The following HHLA2 variants were observed in gnomAD, a reference collection of about 807,000 sequenced individuals.
The protein encoded by HHLA2 is HERV-H LTR-associating protein 2.
A neutral mutation model predicts 45.9 loss-of-function variants in HHLA2; 48 were observed. The ratio of observed to expected loss-of-function variants is 1.05; its 90% CI spans 0.83 to 1.33. The LOEUF (loss-of-function observed/expected upper bound fraction) is 1.33. HHLA2 is among the 40% of genes most tolerant of loss of function. The pLI, the probability that HHLA2 is intolerant of heterozygous loss-of-function variation, is 0.00. For synonymous variants in HHLA2, 161 were observed against 173.9 expected (o/e 0.93, Z 0.59); for missense variants, 462 against 494.3 (o/e 0.93, Z 0.62).
At chr3:108,320,754 G>A (rs973307148) in intron 2 of HHLA2, among the ~76,000 whole-genome samples, 16 of 152,068 alleles carry the variant, frequency 1.1e-4, no homozygotes, top group African/African-American at 3.9e-4. Flanking sequence ...GCAGTCTTCT[G>A]CATCCTGGGA....
chr3:108,306,059 C>G (rs926254436), intron 1 of HHLA2, among the ~76,000 whole-genome samples: 2 of 152,220 alleles, frequency 1.3e-5, no homozygotes, highest in African/African-American at 4.8e-5. Context: ...AGGGAATCCT[C>G]TAATGGATGA....
chr3:108,358,948 G>C (rs2081944382), intron 7 of HHLA2, among the ~76,000 whole-genome samples: 1 of 152,318 alleles, frequency 6.6e-6, no homozygotes, highest in Middle Eastern at 3.4e-3. Context: ...CAAGAGCACA[G>C]AGTTGTCCTT....
intron 3 of HHLA2, among the ~76,000 whole-genome samples, chr3:108,330,598 G>A (rs939372768): frequency 6.6e-6 from 1 of 152,178 alleles, no homozygotes; most frequent in Admixed American, 6.5e-5. Flanking sequence ...TGATGGCCTT[G>A]AAGAAAGAAA....
At chr3:108,368,708 A>G (rs975823775) in intron 8 of HHLA2, among the ~76,000 whole-genome samples, 3 of 152,152 alleles carry the variant, frequency 2.0e-5, no homozygotes, top group Non-Finnish European at 4.4e-5. Flanking sequence ...TGCACCCAAT[A>G]CAGGAGCATC....
chr3:108,334,094 G>C (rs998345084), intron 3 of HHLA2, among the ~76,000 whole-genome samples: 8 of 152,096 alleles, frequency 5.3e-5, no homozygotes, highest in African/African-American at 1.9e-4. Context: ...ATGAAAATGG[G>C]GTTTCTAAAT....
intron 10 of HHLA2, 57 bp from the exon 10 acceptor site, chr3:108,377,201 A>T: frequency 8.5e-7 from 1 of 1,178,064 alleles, no homozygotes; most frequent in Non-Finnish European, 1.2e-6. Context: ...TTTAAGATAT[A>T]AATGGTTATT....
chr3:108,322,921 A>G (rs1313476824), intron 2 of HHLA2, among the ~76,000 whole-genome samples: 1 of 152,008 alleles, frequency 6.6e-6, no homozygotes, highest in Non-Finnish European at 1.5e-5. Flanking sequence ...TCTTTTGAGT[A>G]CTATATGGTA....
intron 3 of HHLA2, among the ~76,000 whole-genome samples, chr3:108,335,570 T>C (rs1486164428): frequency 6.6e-6 from 1 of 152,178 alleles, no homozygotes; most frequent in Non-Finnish European, 1.5e-5. Context: ...AACAAGTTCT[T>C]GGGCATGTTG....
intron 2 of HHLA2, chr3:108,311,740 G>C (rs1470212202): frequency 6.6e-6 from 1 of 152,136 alleles, no homozygotes; most frequent in East Asian, 1.9e-4. Context: ...ACATAGATTT[G>C]ATTACTTCTA....
At chr3:108,341,790 G>GGAGCA (rs1236105926) in intron 3 of HHLA2, among the ~76,000 whole-genome samples, 2 of 152,190 alleles carry the variant, frequency 1.3e-5, no homozygotes, top group African/African-American at 4.8e-5. Context: ...AGCACAGACA[G>GGAGCA]GAGCAGAGAC....
intron 3 of HHLA2, among the ~76,000 whole-genome samples, chr3:108,340,832 T>G (rs1413255609): frequency 3.3e-5 from 5 of 152,062 alleles, no homozygotes; most frequent in African/African-American, 1.2e-4. Context: ...ACTCTTTTTT[T>G]TTGTTTCTTT....
chr3:108,353,700 T>C, exon 5 of HHLA2: 1 of 1,613,678 alleles, frequency 6.2e-7, no homozygotes, highest in African/African-American at 1.3e-5. Context: ...AGAGTAAGCC[T>C]TCTGGACGAA....
intron 9 of HHLA2, 38 bp downstream of exon 8, chr3:108,375,838 T>C: frequency 1.2e-6 from 2 of 1,603,714 alleles, no homozygotes; most frequent in Non-Finnish European, 1.7e-6. Context: ...TGGATTCTGG[T>C]TCTGGAGGAG....
At chr3:108,342,345 C>T (rs1298132783) in intron 3 of HHLA2, among the ~76,000 whole-genome samples, 3 of 146,130 alleles carry the variant, frequency 2.1e-5, no homozygotes, top group Non-Finnish European at 3.0e-5. Flanking sequence ...CTTACTGCAA[C>T]CTCCGACTTC....
At chr3:108,348,307 A>C (rs2081706136) in intron 3 of HHLA2, among the ~76,000 whole-genome samples, 1 of 152,158 alleles carries the variant, frequency 6.6e-6, no homozygotes, top group Non-Finnish European at 1.5e-5. Flanking sequence ...ATTACATTAA[A>C]TGCTGCTACG....
At chr3:108,369,706 C>G (rs937909825) in intron 8 of HHLA2, among the ~76,000 whole-genome samples, 3 of 152,184 alleles carry the variant, frequency 2.0e-5, no homozygotes, top group Non-Finnish European at 2.9e-5. Flanking sequence ...CACGGAGTCT[C>G]GCTCATTGCT....
intron 3 of HHLA2, among the ~76,000 whole-genome samples, chr3:108,348,634 G>T (rs1576152636): frequency 7.1e-6 from 1 of 140,196 alleles, no homozygotes; most frequent in East Asian, 2.0e-4. Flanking sequence ...AAATATGATT[G>T]CAGGGACAAA....
At chr3:108,324,459 C>A (rs1045238398) in intron 2 of HHLA2, among the ~76,000 whole-genome samples, 3 of 151,990 alleles carry the variant, frequency 2.0e-5, no homozygotes, top group Admixed American at 6.6e-5. Flanking sequence ...CAAAACATAG[C>A]TAAATGAATC....
intron 10 of HHLA2, chr3:108,376,869 A>G (rs1445712405): frequency 5.9e-6 from 2 of 341,556 alleles, no homozygotes; most frequent in African/African-American, 4.3e-5. Flanking sequence ...TGATAGAAGC[A>G]TGAAACATGG....
Sources: allele counts gnomAD v4.1 joint callset (sites outside exome capture counted in the v4.1 genomes callset), GRCh38; gene constraint gnomAD v4.1.1; transcripts MANE v1.5; gene names NCBI Gene and HGNC (gene_info 2026-07-23, HGNC 2026-07-21).